Variants in SORCS1 observed in about 807,000 individuals in gnomAD.
SORCS1 encodes sortilin related VPS10 domain containing receptor 1.
Under a neutral mutation model 146.1 loss-of-function variants are expected in SORCS1, and 60 were observed. The observed-to-expected ratio is 0.41, with a 90% CI of 0.33 to 0.51. SORCS1 has a LOEUF of 0.51. Ranked by LOEUF, SORCS1 falls within the 20% of genes least tolerant of loss-of-function variation. The pLI is 0.21. For missense variants in SORCS1, 1,352 were observed against 1,487.6 expected, an observed-to-expected ratio of 0.91 and a Z score of 1.50; for synonymous variants, 637 against 584.0, an observed-to-expected ratio of 1.09 and a Z score of -1.31.
chr10:106,901,962 T>C (rs936851426), intron 2 of SORCS1, among the ~76,000 whole-genome samples: 3 of 151,938 alleles, frequency 2.0e-5, no homozygotes, highest in African/African-American at 7.3e-5. Flanking sequence ...GAGAATGGCA[T>C]GACCCCAGGA....
intron 21 of SORCS1, among the ~76,000 whole-genome samples, chr10:106,613,036 C>T (rs1182974169): frequency 6.6e-6 from 1 of 152,038 alleles, no homozygotes; most frequent in Non-Finnish European, 1.5e-5. Flanking sequence ...TATGGCACTA[C>T]TCTGTTTTGT....
chr10:106,647,539 T>C (rs1237006266), intron 18 of SORCS1, among the ~76,000 whole-genome samples: 1 of 152,158 alleles, frequency 6.6e-6, no homozygotes, highest in African/African-American at 2.4e-5. Flanking sequence ...GGGAACAGAA[T>C]AGAGTGCCTA....
At chr10:106,965,937 T>C (rs1955472401) in intron 1 of SORCS1, among the ~76,000 whole-genome samples, 1 of 152,244 alleles carries the variant, frequency 6.6e-6, no homozygotes, top group East Asian at 1.9e-4. Flanking sequence ...TTTACTGACC[T>C]CAAGTCAATG....
chr10:106,620,923 C>T (rs988706884), intron 19 of SORCS1, among the ~76,000 whole-genome samples: 5 of 152,172 alleles, frequency 3.3e-5, no homozygotes, highest in Non-Finnish European at 7.3e-5. Flanking sequence ...GAACCAGAGT[C>T]ATGAAGACCT....
intron 1 of SORCS1, among the ~76,000 whole-genome samples, chr10:107,102,028 G>C (rs1339536511): frequency 6.6e-6 from 1 of 151,302 alleles, no homozygotes; most frequent in Admixed American, 6.6e-5. Flanking sequence ...TTTCAGTATG[G>C]CCTGGATCAA....
chr10:107,128,870 C>A (rs191564374), intron 1 of SORCS1, among the ~76,000 whole-genome samples: 1 of 152,296 alleles, frequency 6.6e-6, no homozygotes, highest in East Asian at 1.9e-4. Flanking sequence ...ACTCCCAGGT[C>A]GTGCCACTAT....
intron 5 of SORCS1, among the ~76,000 whole-genome samples, chr10:106,755,260 G>C (rs1455554158): frequency 6.6e-6 from 1 of 152,152 alleles, no homozygotes; most frequent in Admixed American, 6.5e-5. Context: ...TTTTTCTCCT[G>C]TCTTTTATTG....
chr10:106,730,477 G>C (rs1856517198), intron 5 of SORCS1, among the ~76,000 whole-genome samples: 1 of 152,164 alleles, frequency 6.6e-6, no homozygotes. Context: ...TCAGCTGGGT[G>C]ACTTGATCAG....
At chr10:106,603,978 G>T (rs919844267) in intron 23 of SORCS1, among the ~76,000 whole-genome samples, 2 of 152,120 alleles carry the variant, frequency 1.3e-5, no homozygotes, top group African/African-American at 4.8e-5. Context: ...CTTTAAACAG[G>T]TCAGACAAGT....
intron 1 of SORCS1, among the ~76,000 whole-genome samples, chr10:107,152,681 C>A (rs1250851634): frequency 6.6e-6 from 1 of 152,170 alleles, no homozygotes; most frequent in Non-Finnish European, 1.5e-5. Flanking sequence ...TTTGCTTCCC[C>A]TTCTGCCATG....
upstream of SORCS1, among the ~76,000 whole-genome samples, chr10:107,168,139 C>A (rs1970093353): frequency 6.6e-6 from 1 of 152,166 alleles, no homozygotes; most frequent in African/African-American, 2.4e-5. Flanking sequence ...AGGGGCTATC[C>A]TTTTCGCTGA....
chr10:107,177,766 C>A, the SORCS1 span, among the ~76,000 whole-genome samples: 52 of 152,106 alleles, frequency 3.4e-4, no homozygotes, highest in African/African-American at 1.2e-3. Flanking sequence ...TCTCTTCTAG[C>A]TATTTTGAAA....
intron 17 of SORCS1, among the ~76,000 whole-genome samples, chr10:106,654,848 C>G (rs914645306): frequency 6.6e-6 from 1 of 152,018 alleles, no homozygotes; most frequent in African/African-American, 2.4e-5. Flanking sequence ...AACATCATTC[C>G]ATCTGATTTT....
At chr10:107,144,204 A>C (rs57759488) in intron 1 of SORCS1, among the ~76,000 whole-genome samples, 1,910 of 152,012 alleles carry the variant, frequency 0.013, 37 homozygotes, top group African/African-American at 0.043. Flanking sequence ...CCCTCACCTT[A>C]CTCCACTCCC....
At chr10:106,716,971 C>T (rs947962539) in intron 6 of SORCS1, among the ~76,000 whole-genome samples, 1 of 152,146 alleles carries the variant, frequency 6.6e-6, no homozygotes, top group African/African-American at 2.4e-5. Flanking sequence ...AAATATATTA[C>T]AGGTCTCTGG....
Position 107,164,194 on chromosome 10 carries a change from G to C in SORCS1, c.333C>G (p.Ser111Arg), listed in dbSNP as rs779338363. Reference protein sequence around the residue: ...VAARSGRRRRSGADQEKAERG... With the variant: ...VAARSGRRRRRGADQEKAERG... ...GTTCTGCCTTCTCCTGATCCGCTCC[G>C]CTCCGTCTCCTCCGGCCGGAGCGTG... The change falls in exon 1 of 26, where the codon AGC becomes AGG. Residue 111 changes from serine (S) to arginine (R), a missense_variant. This residue lies in a region of SORCS1 where 490 missense variants were observed against 489.1 expected (regional missense o/e 1.00). Coordinates refer to ENST00000263054, the MANE Select transcript of SORCS1 (RefSeq NM_052918.5). The surrounding 1 kb of genome is among the most constrained non-coding windows in gnomAD (Gnocchi z 6.8). 17 of 1,611,034 alleles carry C rather than the reference G, an allele frequency of 1.1e-5. No individual in the cohort carries two copies. The highest frequency in any genetic ancestry group is 6.7e-5 in the Admixed American group (4 of 60,012).
chr10:106,807,559 A>T (rs1455799326), intron 3 of SORCS1, among the ~76,000 whole-genome samples: 1 of 152,200 alleles, frequency 6.6e-6, no homozygotes, highest in Non-Finnish European at 1.5e-5. Context: ...TGAGATGTAA[A>T]ACAAAGGCCC....
At chr10:107,164,989 C>G (rs1296692542), upstream of SORCS1, among the ~76,000 whole-genome samples, 1 of 151,190 alleles carries the variant, frequency 6.6e-6, no homozygotes, top group Non-Finnish European at 1.5e-5. This position sits in a 1 kb window ranked among gnomAD's most constrained non-coding sequence, Gnocchi z 6.8. Context: ...GGCGCTGAGT[C>G]CGCGCACCCT....
At chr10:106,953,644 T>G (rs929876817) in intron 2 of SORCS1, among the ~76,000 whole-genome samples, 2 of 152,150 alleles carry the variant, frequency 1.3e-5, no homozygotes, top group Non-Finnish European at 2.9e-5. Flanking sequence ...CTCGAAGGTA[T>G]AGCATACTAC....
Sources: gnomAD v4.1 joint callset for allele counts (sites outside exome capture counted in the v4.1 genomes callset) on GRCh38, gnomAD v4.1.1 for gene constraint, gnomAD v4.1.1 regional missense constraint, Gnocchi (gnomAD v3.1) non-coding constraint, MANE v1.5 for transcripts, NCBI Gene and HGNC (gene_info 2026-07-23, HGNC 2026-07-21) for gene names.